The following NLN variants were observed in gnomAD, a reference collection of about 807,000 sequenced individuals.
NLN encodes the protein neurolysin.
NLN carries 64 observed loss-of-function variants against 79.9 expected under a neutral mutation model. The ratio of observed to expected loss-of-function variants is 0.80; its 90% confidence interval spans 0.65 to 0.99. The LOEUF is 0.99. Ranked by LOEUF, NLN falls within the 50% of genes least tolerant of loss-of-function variation. The pLI is 0.00. For missense variants in NLN, 835 were observed against 858.7 expected (o/e 0.97, Z 0.34); for synonymous variants, 267 against 296.6 (o/e 0.90, Z 1.02).
chr5:65,750,656 C>T (rs1203753345), intron 1 of NLN, among the ~76,000 whole-genome samples: 1 of 152,074 alleles, frequency 6.6e-6, no homozygotes, highest in Non-Finnish European at 1.5e-5. Context: ...GTCTAGTTTA[C>T]AGTGAGCTAT....
At chr5:65,819,641 A>T (rs1760750427) in intron 12 of NLN, among the ~76,000 whole-genome samples, 1 of 152,306 alleles carries the variant, frequency 6.6e-6, no homozygotes, top group South Asian at 2.1e-4. Context: ...TTCCTGAAGG[A>T]TGTTTCTAAT....
intron 1 of NLN, among the ~76,000 whole-genome samples, chr5:65,727,758 T>G (rs941110781): frequency 1.3e-5 from 2 of 152,082 alleles, no homozygotes; most frequent in Non-Finnish European, 2.9e-5. Context: ...AAAAGACAGC[T>G]TGGTTTGTTT....
chr5:65,737,872 T>A (rs1758761246), intron 1 of NLN, among the ~76,000 whole-genome samples: 1 of 152,170 alleles, frequency 6.6e-6, no homozygotes, highest in Non-Finnish European at 1.5e-5. Flanking sequence ...GGTTCACTCT[T>A]GTAATCCCGG....
intron 1 of NLN, among the ~76,000 whole-genome samples, chr5:65,758,125 A>G: frequency 6.6e-6 from 1 of 152,012 alleles, no homozygotes; most frequent in South Asian, 2.1e-4. Flanking sequence ...AGTTTCAGCT[A>G]CTTGGGAGGT....
intron 3 of NLN, among the ~76,000 whole-genome samples, chr5:65,767,084 T>C (rs1427663416): frequency 2.0e-5 from 3 of 152,174 alleles, no homozygotes; most frequent in Admixed American, 2.0e-4. Context: ...GGATCTACCA[T>C]TCTGGAGTCT....
At position 65,810,024 on chromosome 5, in the gene NLN, C is replaced by A; in HGVS notation, c.1715-13C>A. 6.2e-7 allele frequency: 1 copy of A among 1,612,892 alleles called. No individual in the cohort carries two copies. Among genetic ancestry groups the A allele is most frequent in the Non-Finnish European group, 8.5e-7 (1 of 1,179,466 alleles). On this transcript the variant is annotated splice_polypyrimidine_tract_variant and intron_variant, in intron 10 of 12. Transcript: ENST00000380985. ...CTTCTTCAAAACATGCCCAAACATT[C>A]TTATGTTATTAGGTCTTCTGACCCT...
At position 65,795,212 on chromosome 5, in the gene NLN, G is replaced by A. The variant is rs557893333; in HGVS notation, c.1527+2557G>A. On this transcript the variant is annotated intron_variant, in intron 9 of 12. Transcript: ENST00000380985. ...CTACCAAAAATAAAAAAAATTAGCT[G>A]GGTGCGGTAGTGTGGCTAGGCTTTG... 3.9e-5 allele frequency among the ~76,000 whole-genome samples: 6 copies of A among 152,146 alleles called. No homozygotes were observed. In the South Asian group the frequency reaches 1.2e-3, roughly 32 times the overall value.
chr5:65,723,288 C>T (rs1177445773), intron 1 of NLN, among the ~76,000 whole-genome samples: 1 of 152,170 alleles, frequency 6.6e-6, no homozygotes, highest in Non-Finnish European at 1.5e-5. Flanking sequence ...TTGCACATTG[C>T]CACTCGTCTG....
intron 1 of NLN, among the ~76,000 whole-genome samples, chr5:65,748,492 G>T (rs1044875501): frequency 2.0e-5 from 3 of 152,208 alleles, no homozygotes; most frequent in East Asian, 1.9e-4. Context: ...GGGCACAGTG[G>T]CTCATGCCTG....
In NLN at chr5:65,812,468, C is replaced by T. The variant is rs533076190; in HGVS notation, c.1980+77C>T. Reference sequence around the variant, plus strand: ...TTAACTCCTAGTGTAAAATATTGGTCACATCTAGATTTTACTGTAAGAGGC... The same window carrying T: ...TTAACTCCTAGTGTAAAATATTGGTTACATCTAGATTTTACTGTAAGAGGC... On this transcript the variant is annotated intron_variant, in intron 12 of 12. Coordinates refer to ENST00000380985, the MANE Select transcript of NLN (RefSeq NM_020726.5). 17 of 1,005,002 alleles carry T rather than the reference C, an allele frequency of 1.7e-5. No homozygotes were observed. The Admixed American group carries it at 2.1e-4, about 12-fold the overall frequency. The allele number at this position is 1,005,002 out of a possible 1,614,324, so 62.3% of individuals were successfully genotyped here. A position where few individuals can be genotyped will look rare whatever the true frequency, so the allele number is the denominator to read the frequency against.
At chr5:65,811,641 G>T (rs1246864044) in intron 11 of NLN, among the ~76,000 whole-genome samples, 2 of 152,068 alleles carry the variant, frequency 1.3e-5, no homozygotes, top group Non-Finnish European at 2.9e-5. Flanking sequence ...GACCAAAGTG[G>T]TGAAACCCTG....
chr5:65,782,348 A>G (rs1393978089), intron 6 of NLN, among the ~76,000 whole-genome samples: 1 of 152,214 alleles, frequency 6.6e-6, no homozygotes, highest in East Asian at 1.9e-4. Flanking sequence ...TTTGTAGGCC[A>G]GACTTACGAT....
chr5:65,775,621 C>T (rs557865360), intron 3 of NLN, among the ~76,000 whole-genome samples: 7 of 152,288 alleles, frequency 4.6e-5, no homozygotes, highest in South Asian at 2.1e-4. Context: ...GACTTCCTGG[C>T]GCTACTAAAG....
At position 65,777,526 on chromosome 5, in the gene NLN, G is replaced by A. The variant is rs1399690896; in HGVS notation, c.550G>A (p.Val184Ile). Reference protein sequence around the residue: ...KRNGLHLPEQVQNEIKSMKKR... With the variant: ...KRNGLHLPEQIQNEIKSMKKR... ...AAATGGGCTCCATCTTCCTGAACAA[G>A]TACAGAATGTGAGTTTATGTTTTCT... Residue 184 changes from valine to isoleucine, a missense_variant, in exon 4 of 13, where the codon GTA becomes ATA. Physicochemically the swap from Val to Ile is conservative, Grantham distance 29. Coordinates refer to ENST00000380985, the MANE Select transcript of NLN (RefSeq NM_020726.5). 2.5e-6 allele frequency: 4 copies of A among 1,570,198 alleles called. No homozygotes were observed. In the Admixed American group the frequency reaches 5.2e-5, roughly 20 times the overall value.
chr5:65,766,429 A>G (rs1170463842), intron 3 of NLN, among the ~76,000 whole-genome samples: 4 of 152,136 alleles, frequency 2.6e-5, no homozygotes, highest in Non-Finnish European at 5.9e-5. Context: ...ATCTTGTAAG[A>G]ACTCACTCAC....
intron 2 of NLN, among the ~76,000 whole-genome samples, chr5:65,761,168 A>G (rs2150747349): frequency 6.6e-6 from 1 of 152,210 alleles, no homozygotes; most frequent in African/African-American, 2.4e-5. Context: ...GGCTTTCAGC[A>G]CCTTTGTTTG....
chr5:65,754,308 A>G (rs1481340619), intron 1 of NLN, among the ~76,000 whole-genome samples: 4 of 152,272 alleles, frequency 2.6e-5, no homozygotes, highest in African/African-American at 9.6e-5. Flanking sequence ...GATGGCTGCC[A>G]GCTGCAATCA....
chr5:65,774,732 T>A (rs79995545), intron 3 of NLN, among the ~76,000 whole-genome samples: 62,445 of 131,676 alleles, frequency 0.47, 14,419 homozygotes, highest in Non-Finnish European at 0.53. Context: ...TATATATATT[T>A]TTTTTTTTTT....
intron 9 of NLN, among the ~76,000 whole-genome samples, chr5:65,794,084 T>C (rs906578501): frequency 5.9e-5 from 9 of 152,184 alleles, no homozygotes; most frequent in African/African-American, 2.2e-4. Flanking sequence ...CATAATGAAG[T>C]ATGCTGGAGG....
Sources: allele counts gnomAD v4.1 joint callset (sites outside exome capture counted in the v4.1 genomes callset), GRCh38; gene constraint gnomAD v4.1.1; transcripts MANE v1.5; gene names NCBI Gene and HGNC (gene_info 2026-07-23, HGNC 2026-07-21).